MECOM: variants seen among roughly 807,000 people sequenced by gnomAD.
MECOM encodes the protein histone-lysine N-methyltransferase MECOM.
Under a neutral mutation model 116.3 loss-of-function variants are expected in MECOM, and 13 were observed. That is an observed-to-expected ratio of 0.11 (90% CI 0.07 to 0.18). The LOEUF is 0.18. Among genes scored for constraint, MECOM ranks in the 10% least tolerant of loss-of-function variants. The probability of loss-of-function intolerance (pLI) is 1.00; values close to 1 mark genes in which losing one functional copy is unlikely to be tolerated. For missense variants in MECOM, 1,299 were observed against 1,509.0 expected (o/e 0.86, Z 2.31); for synonymous variants, 528 against 535.2 (o/e 0.99, Z 0.19).
At chr3:169,466,307 C>T (rs192146374) in intron 1 of MECOM, among the ~76,000 whole-genome samples, 1 of 152,284 alleles carries the variant, frequency 6.6e-6, no homozygotes, top group Non-Finnish European at 1.5e-5. Flanking sequence ...ACCTTTGACC[C>T]TTAACTGGGG....
intron 2 of MECOM, among the ~76,000 whole-genome samples, chr3:169,196,151 T>A (rs543473768): frequency 1.3e-5 from 2 of 152,138 alleles, no homozygotes; most frequent in East Asian, 3.9e-4. Context: ...AGATAGCTTA[T>A]CAGCGTGTGC....
chr3:169,633,476 TAAA>T, intron 1 of MECOM, among the ~76,000 whole-genome samples: 1 of 152,280 alleles, frequency 6.6e-6, no homozygotes, highest in Middle Eastern at 3.4e-3. Context: ...CTAGTCTCAC[TAAA>T]ACATCAACCC....
At chr3:169,207,026 T>C (rs1750024027) in intron 2 of MECOM, among the ~76,000 whole-genome samples, 1 of 152,320 alleles carries the variant, frequency 6.6e-6, no homozygotes, top group African/African-American at 2.4e-5. Flanking sequence ...AATGATGATA[T>C]AGCATAAAGA....
intron 2 of MECOM, among the ~76,000 whole-genome samples, chr3:169,194,228 ACT>A (rs1285406376): frequency 6.6e-6 from 1 of 152,040 alleles, no homozygotes; most frequent in African/African-American, 2.4e-5. Context: ...CTTGTTTGTC[ACT>A]GCATGTTCTC....
intron 1 of MECOM, among the ~76,000 whole-genome samples, chr3:169,624,544 G>A (rs909884260): frequency 2.0e-5 from 3 of 152,164 alleles, no homozygotes; most frequent in Non-Finnish European, 2.9e-5. Flanking sequence ...GCCAGTCCAC[G>A]GAAGCATTCT....
chr3:169,372,975 C>A (rs1730396490), intron 2 of MECOM, among the ~76,000 whole-genome samples: 1 of 151,942 alleles, frequency 6.6e-6, no homozygotes, highest in South Asian at 2.1e-4. Context: ...ATTGTGGGCA[C>A]TTTTAGAAGG....
chr3:169,251,704 A>G (rs1010856514), intron 2 of MECOM, among the ~76,000 whole-genome samples: 1 of 152,200 alleles, frequency 6.6e-6, no homozygotes, highest in African/African-American at 2.4e-5. Flanking sequence ...GGACCGCACT[A>G]CAGAGAGACT....
chr3:169,171,812 G>A (rs1317503953), intron 2 of MECOM, among the ~76,000 whole-genome samples: 1 of 152,020 alleles, frequency 6.6e-6, no homozygotes, highest in Non-Finnish European at 1.5e-5. Context: ...TACAGATGAA[G>A]GGGCAGGGCA....
intron 1 of MECOM, among the ~76,000 whole-genome samples, chr3:169,413,468 T>A (rs538246203): frequency 2.3e-5 from 3 of 131,120 alleles, no homozygotes; most frequent in Admixed American, 1.8e-4. Context: ...GCTGCAGGAG[T>A]TTTTTTTTTG....
intron 2 of MECOM, among the ~76,000 whole-genome samples, chr3:169,350,484 T>C (rs747938939): frequency 1.9e-4 from 29 of 151,948 alleles, no homozygotes; most frequent in Non-Finnish European, 3.2e-4. Context: ...CTATGTAGAA[T>C]ACAATAGCCA....
At chr3:169,579,593 C>T (rs970571774) in intron 1 of MECOM, among the ~76,000 whole-genome samples, 1 of 152,138 alleles carries the variant, frequency 6.6e-6, no homozygotes, top group Non-Finnish European at 1.5e-5. Context: ...AACTGATAGG[C>T]CACAGGTATA....
chr3:169,504,631 T>C (rs756744608), intron 1 of MECOM, among the ~76,000 whole-genome samples: 7 of 152,214 alleles, frequency 4.6e-5, no homozygotes, highest in East Asian at 1.9e-4. Flanking sequence ...CCAACAAAAT[T>C]GTATCTTCCA....
chr3:169,158,250 G>A (rs183015428), intron 2 of MECOM, among the ~76,000 whole-genome samples: 1 of 152,204 alleles, frequency 6.6e-6, no homozygotes, highest in East Asian at 1.9e-4. Flanking sequence ...TAATCTCCTT[G>A]GTAATCAGTG....
At chr3:169,332,301 G>A (rs954999003) in intron 2 of MECOM, among the ~76,000 whole-genome samples, 1 of 152,152 alleles carries the variant, frequency 6.6e-6, no homozygotes, top group Non-Finnish European at 1.5e-5. Flanking sequence ...CCCTTCGAAG[G>A]CTTATTTTTT....
At chr3:169,474,441 T>G (rs745630398) in intron 1 of MECOM, among the ~76,000 whole-genome samples, 41 of 152,320 alleles carry the variant, frequency 2.7e-4, no homozygotes, top group Non-Finnish European at 5.1e-4. Flanking sequence ...GAAAATGGAA[T>G]GTCAACAGAA....
intron 1 of MECOM, among the ~76,000 whole-genome samples, chr3:169,398,679 G>T (rs1451303829): frequency 6.6e-6 from 1 of 152,096 alleles, no homozygotes; most frequent in Admixed American, 6.5e-5. Context: ...TCTGCTCCTG[G>T]TGAGGGCCTC....
At chr3:169,564,008 C>A (rs1051992107) in intron 1 of MECOM, among the ~76,000 whole-genome samples, 2 of 151,996 alleles carry the variant, frequency 1.3e-5, no homozygotes, top group Non-Finnish European at 2.9e-5. Context: ...AAATGGCTAC[C>A]ATAATATATA....
intron 1 of MECOM, among the ~76,000 whole-genome samples, chr3:169,567,251 T>TACCTTAGGATAAGA (rs1486666542): frequency 1.3e-5 from 2 of 152,214 alleles, no homozygotes; most frequent in African/African-American, 4.8e-5. Flanking sequence ...CCTAGAAACA[T>TACCTTAGGATAAGA]ACCTTAGGAT....
At chr3:169,133,110 TACACAC>T (rs112130257) in intron 3 of MECOM, among the ~76,000 whole-genome samples, 4 of 147,288 alleles carry the variant, frequency 2.7e-5, no homozygotes, top group African/African-American at 7.4e-5. Flanking sequence ...GCAAAACACA[TACACAC>T]ACACACACAC....
Sources: gnomAD v4.1 joint callset for allele counts (sites outside exome capture counted in the v4.1 genomes callset) on GRCh38, gnomAD v4.1.1 for gene constraint, MANE v1.5 for transcripts, NCBI Gene and HGNC (gene_info 2026-07-23, HGNC 2026-07-21) for gene names.